Variants in REV3L observed in about 807,000 individuals in gnomAD.
The protein encoded by REV3L is REV3 like, DNA directed polymerase zeta catalytic subunit.
REV3L carries 69 observed loss-of-function variants against 299.4 expected under a neutral mutation model. That is an observed-to-expected ratio of 0.23 (90% confidence interval 0.19 to 0.28). REV3L has a LOEUF of 0.28. Among genes scored for constraint, REV3L ranks in the 10% least tolerant of loss-of-function variants. The probability of loss-of-function intolerance (pLI) is 1.00; values close to 1 mark genes in which losing one functional copy is unlikely to be tolerated. For synonymous variants in REV3L, 1,238 were observed against 1,271.4 expected (o/e 0.97, Z 0.56); for missense variants, 3,128 against 3,693.8 (o/e 0.85, Z 3.97).
intron 5 of REV3L, among the ~76,000 whole-genome samples, chr6:111,391,923 C>T (rs936445361): frequency 3.3e-5 from 5 of 152,188 alleles, no homozygotes; most frequent in Admixed American, 6.5e-5. Context: ...CAGAAGGCGG[C>T]GGTCGTAGTA....
At chr6:111,411,401 G>T in intron 3 of REV3L, 79 bp downstream of exon 3, 1 of 870,892 alleles carries the variant, frequency 1.1e-6, no homozygotes, top group Non-Finnish European at 1.8e-6. Context: ...AACTATAGAG[G>T]CCTTCTTTCT....
intron 3 of REV3L, among the ~76,000 whole-genome samples, chr6:111,408,916 C>A (rs978477376): frequency 6.6e-6 from 1 of 152,124 alleles, no homozygotes; most frequent in Non-Finnish European, 1.5e-5. Flanking sequence ...AACTCCTGAC[C>A]TCACGTGATC....
intron 19 of REV3L, among the ~76,000 whole-genome samples, chr6:111,350,565 A>G (rs1369757489): frequency 6.6e-6 from 1 of 151,418 alleles, no homozygotes; most frequent in Non-Finnish European, 1.5e-5. Flanking sequence ...GCTAAACTTA[A>G]AGCATCTCTG....
intron 1 of REV3L, among the ~76,000 whole-genome samples, chr6:111,439,199 TGTTTA>T (rs1787949145): frequency 6.6e-6 from 1 of 152,228 alleles, no homozygotes; most frequent in Non-Finnish European, 1.5e-5. Flanking sequence ...GTTCATTTTA[TGTTTA>T]GAGTATGGAA....
At chr6:111,350,688 C>T (rs1582636295) in intron 19 of REV3L, among the ~76,000 whole-genome samples, 1 of 151,904 alleles carries the variant, frequency 6.6e-6, no homozygotes. Flanking sequence ...GCAATCATCT[C>T]ACCTCAGTCT....
intron 1 of REV3L, among the ~76,000 whole-genome samples, chr6:111,426,473 G>T (rs1177676860): frequency 6.6e-6 from 1 of 152,120 alleles, no homozygotes; most frequent in Non-Finnish European, 1.5e-5. Context: ...TATGCCAGAG[G>T]TTGCAATTTT....
intron 4 of REV3L, among the ~76,000 whole-genome samples, chr6:111,401,985 GCACCTGTAGTCC>G (rs924433494): frequency 2.0e-5 from 3 of 151,992 alleles, no homozygotes; most frequent in African/African-American, 7.2e-5. Flanking sequence ...GCGGTGGCAT[GCACCTGTAGTCC>G]CAGTTACTTG....
intron 1 of REV3L, 127 bp downstream of exon 1, chr6:111,482,623 G>C (rs1008067287): frequency 2.3e-6 from 1 of 436,290 alleles, no homozygotes; most frequent in Non-Finnish European, 3.2e-6. Context: ...GCGGAGGGGA[G>C]GGAAGACGCG....
At chr6:111,300,331 C>T (rs1320506975) in intron 31 of REV3L, among the ~76,000 whole-genome samples, 175 bp from the exon 32 acceptor site, 2 of 152,124 alleles carry the variant, frequency 1.3e-5, no homozygotes, top group African/African-American at 4.8e-5. Flanking sequence ...TATGTTGAGA[C>T]ATTTCTAAAG....
intron 7 of REV3L, 136 bp from the exon 8 acceptor site, chr6:111,388,221 T>C (rs1781538381): frequency 8.1e-6 from 5 of 617,760 alleles, no homozygotes; most frequent in Non-Finnish European, 1.1e-5. Context: ...CTAACTGTAG[T>C]TTTACCATAG....
chr6:111,352,787 T>A lies in REV3L; in HGVS notation c.7185-996A>T, dbSNP rs539083875. ...AAATGTGCTCCTCGTGGTCAGAGCT[T>A]CACTGGCAAAACTGAACCGACCACC... is the stretch of plus-strand genomic sequence containing the variant. On this transcript the variant is annotated intron_variant, in intron 18 of 31. Coordinates refer to ENST00000368802, the MANE Select transcript of REV3L (RefSeq NM_001372078.1). Among the ~76,000 whole-genome samples the A allele has an allele frequency of 9.2e-5, 14 of 152,266 alleles. 1 individual carries two copies. Among genetic ancestry groups the A allele is most frequent in the Non-Finnish European group, 1.6e-4 (11 of 68,014 alleles).
At chr6:111,433,272 GACAA>G (rs1318437580) in intron 1 of REV3L, among the ~76,000 whole-genome samples, 3 of 151,246 alleles carry the variant, frequency 2.0e-5, no homozygotes, top group Non-Finnish European at 3.0e-5. Context: ...TTTTTAAAAA[GACAA>G]ACAAAATTAA....
intron 1 of REV3L, among the ~76,000 whole-genome samples, chr6:111,474,988 TACAC>T (rs36213449): frequency 0.066 from 9,648 of 145,854 alleles, 607 homozygotes; most frequent in African/African-American, 0.17. Flanking sequence ...TGCCTATATA[TACAC>T]ACACACACAC....
rs1237317475 is a variant in REV3L at position 111,373,210 on chromosome 6, G to A, written c.5145C>T (p.Ala1715=). The part of the protein sequence containing the change: ...DEDKHHTTDS[A]SWIRSGTLSP... ...TTAAAGTACCAGATCTAATCCATGAGGCTGAGTCTGTGGTATGATGCTTGT... is the reference window on the plus strand; with the variant it reads ...TTAAAGTACCAGATCTAATCCATGAAGCTGAGTCTGTGGTATGATGCTTGT... Residue 1715 remains alanine, a synonymous_variant, in exon 13 of 32, where the codon GCC becomes GCT. Transcript: ENST00000368802. The A allele has an allele frequency of 1.9e-6, 3 of 1,613,982 alleles. No homozygotes were observed. The highest frequency in any genetic ancestry group is 1.6e-4 in the Middle Eastern group (1 of 6,084).
intron 3 of REV3L, among the ~76,000 whole-genome samples, chr6:111,410,447 G>A (rs1228937465): frequency 6.6e-6 from 1 of 152,174 alleles, no homozygotes; most frequent in African/African-American, 2.4e-5. Flanking sequence ...ACAACTTGTG[G>A]ACGAGAAAGG....
intron 9 of REV3L, among the ~76,000 whole-genome samples, chr6:111,381,882 A>G (rs1780866446): frequency 1.3e-5 from 2 of 152,142 alleles, no homozygotes; most frequent in Admixed American, 1.3e-4. Context: ...TATTTGACAC[A>G]TGTGTATTGG....
chr6:111,453,716 G>T (rs959604511), intron 1 of REV3L, among the ~76,000 whole-genome samples: 2 of 152,120 alleles, frequency 1.3e-5, no homozygotes, highest in African/African-American at 4.8e-5. Flanking sequence ...GGGTGCGGTG[G>T]CTCACGTCTA....
chr6:111,421,549 T>C (rs1785356101), intron 1 of REV3L, among the ~76,000 whole-genome samples: 1 of 152,172 alleles, frequency 6.6e-6, no homozygotes. Context: ...CCATGGATAG[T>C]AGTTTGCCAA....
At position 111,422,593 on chromosome 6, in the gene REV3L, T is replaced by C. The variant is rs548757354; in HGVS notation, c.140-6121A>G. ...ATATATATACACATATATATATATA[T>C]ACACATATATATATATATACACATA... On this transcript the variant is annotated intron_variant, in intron 1 of 31. Transcript: ENST00000368802. Among the ~76,000 whole-genome samples the C allele has an allele frequency of 8.5e-4, 27 of 31,876 alleles. 7 individuals carry two copies. Among genetic ancestry groups the C allele is most frequent in the East Asian group, 6.1e-3 (11 of 1,808 alleles). The allele number at this position is 31,876 out of a possible 152,430, so 20.9% of individuals were successfully genotyped here.
Sources: allele counts gnomAD v4.1 joint callset (sites outside exome capture counted in the v4.1 genomes callset), GRCh38; gene constraint gnomAD v4.1.1; transcripts MANE v1.5; gene names NCBI Gene and HGNC (gene_info 2026-07-23, HGNC 2026-07-21).